CFDP1: variants seen among roughly 807,000 people sequenced by gnomAD.
The protein encoded by CFDP1 is heterochromatin-stabilizing protein CFDP1.
Under a neutral mutation model 40.1 loss-of-function variants are expected in CFDP1, and 31 were observed. The ratio of observed to expected loss-of-function variants is 0.77; its 90% confidence interval spans 0.58 to 1.04. The LOEUF is 1.04. Ranked by LOEUF, CFDP1 falls within the 50% of genes least tolerant of loss-of-function variation. The pLI is 0.00. For synonymous variants in CFDP1, 167 were observed against 120.0 expected (o/e 1.39, Z -2.56); for missense variants, 423 against 343.4 (o/e 1.23, Z -1.83).
At chr16:75,429,684 C>A (rs2079386586) in intron 1 of CFDP1, among the ~76,000 whole-genome samples, 1 of 152,066 alleles carries the variant, frequency 6.6e-6, no homozygotes, top group Non-Finnish European at 1.5e-5. Flanking sequence ...CTGGAGTACT[C>A]ATAGAAGGTA....
intron 5 of CFDP1, among the ~76,000 whole-genome samples, chr16:75,332,001 T>C (rs2078449382): frequency 6.6e-6 from 1 of 152,260 alleles, no homozygotes; most frequent in Non-Finnish European, 1.5e-5. Flanking sequence ...TCTGTTTCAT[T>C]TTAGTCTTTT....
chr16:75,380,894 C>G (rs2078846722), intron 5 of CFDP1, among the ~76,000 whole-genome samples: 1 of 152,158 alleles, frequency 6.6e-6, no homozygotes, highest in South Asian at 2.1e-4. Context: ...AAAGGAAATA[C>G]TGACAGTGAA....
At chr16:75,372,320 T>G (rs1303143731) in intron 5 of CFDP1, 1 of 152,196 alleles carries the variant, frequency 6.6e-6, no homozygotes, top group African/African-American at 2.4e-5. Flanking sequence ...TATATGGTTT[T>G]CATATCTGTT....
intron 5 of CFDP1, among the ~76,000 whole-genome samples, chr16:75,378,236 A>G (rs951185050): frequency 6.6e-6 from 1 of 151,358 alleles, no homozygotes; most frequent in Admixed American, 6.6e-5. Flanking sequence ...TAAAGGAAAT[A>G]GCAGGAATTG....
chr16:75,328,351 G>A (rs1156631939), intron 5 of CFDP1, among the ~76,000 whole-genome samples: 8 of 149,762 alleles, frequency 5.3e-5, no homozygotes, highest in Admixed American at 1.3e-4. Flanking sequence ...TTGGGAGGCC[G>A]AGGCAGGTGG....
intron 5 of CFDP1, among the ~76,000 whole-genome samples, chr16:75,364,864 C>A (rs1249157191): frequency 6.6e-6 from 1 of 152,102 alleles, no homozygotes; most frequent in Non-Finnish European, 1.5e-5. Context: ...ATAAAGAAGT[C>A]CTCAGACCAA....
intron 4 of CFDP1, among the ~76,000 whole-genome samples, chr16:75,409,078 C>G (rs1233512105): frequency 6.6e-6 from 1 of 151,798 alleles, no homozygotes; most frequent in Non-Finnish European, 1.5e-5. Context: ...AGGCTGGTCT[C>G]GAACTCCTAA....
chr16:75,321,764 T>C (rs2078365272), intron 5 of CFDP1: 1 of 152,146 alleles, frequency 6.6e-6, no homozygotes, highest in South Asian at 2.1e-4. Flanking sequence ...AAACAACACA[T>C]CTCTCAGTTG....
At chr16:75,333,370 G>A (rs922333482) in intron 5 of CFDP1, among the ~76,000 whole-genome samples, 33 of 152,074 alleles carry the variant, frequency 2.2e-4, no homozygotes, top group Non-Finnish European at 4.1e-4. Context: ...TGATCCGCCC[G>A]CCTCGGCCTC....
In CFDP1 at chr16:75,293,998, T is replaced by C. The variant is rs2078164046; in HGVS notation, c.854A>G (p.Gln285Arg). The change falls in exon 7 of 7, where the codon CAG (glutamine) becomes CGG (arginine). Residue 285 changes from glutamine (Q) to arginine (R), a missense_variant. Gln to Arg is a conservative substitution (Grantham distance 43, BLOSUM62 1). Coordinates refer to ENST00000283882, the MANE Select transcript of CFDP1 (RefSeq NM_006324.3). The stretch of plus-strand genomic sequence containing the variant: ...CCTGAGATCTCGCTCAATTTCAAAC[T>C]GCCTGTGATCCACTCGGTCAAGGAA... ...KAFLDRVDHR[Q>R]FEIERDLRLS... 1 of 1,614,168 alleles carries C rather than the reference T, an allele frequency of 6.2e-7. No individual in the cohort carries two copies. Among genetic ancestry groups the C allele is most frequent in the Non-Finnish European group, 8.5e-7 (1 of 1,180,018 alleles).
At chr16:75,329,625 T>G (rs1035778830) in intron 5 of CFDP1, among the ~76,000 whole-genome samples, 2 of 152,214 alleles carry the variant, frequency 1.3e-5, no homozygotes, top group African/African-American at 2.4e-5. Context: ...CTTTCCTAAT[T>G]TTGAACATGT....
At chr16:75,394,981 T>C (rs1431803033) in intron 5 of CFDP1, 109 bp downstream of exon 5, 5 of 1,339,834 alleles carry the variant, frequency 3.7e-6, no homozygotes, top group African/African-American at 1.5e-5. Context: ...AGCAGCATCA[T>C]AATTCTCTCT....
At chr16:75,393,519 C>T (rs1265507477) in intron 5 of CFDP1, among the ~76,000 whole-genome samples, 1 of 151,912 alleles carries the variant, frequency 6.6e-6, no homozygotes, top group African/African-American at 2.4e-5. Flanking sequence ...ATCATGAGGT[C>T]AGGAGATCGA....
At chr16:75,306,341 T>G (rs1031983053) in intron 5 of CFDP1, 1 of 152,220 alleles carries the variant, frequency 6.6e-6, no homozygotes, top group Non-Finnish European at 1.5e-5. Context: ...TAACCCATTC[T>G]GAAACCCCAC....
At chr16:75,319,404 G>A (rs983725297) in intron 5 of CFDP1, among the ~76,000 whole-genome samples, 2 of 152,148 alleles carry the variant, frequency 1.3e-5, no homozygotes, top group African/African-American at 4.8e-5. Flanking sequence ...GATAGACATT[G>A]GACACAGCTG....
chr16:75,323,112 T>C (rs2078376730), intron 5 of CFDP1, among the ~76,000 whole-genome samples: 1 of 152,152 alleles, frequency 6.6e-6, no homozygotes, highest in Admixed American at 6.5e-5. Flanking sequence ...TGACTGTTTT[T>C]TAGTAATGCT....
chr16:75,367,429 C>G (rs1004087701), intron 5 of CFDP1, among the ~76,000 whole-genome samples: 3 of 80,048 alleles, frequency 3.7e-5, no homozygotes, highest in Non-Finnish European at 8.5e-5. Context: ...TACTCCAGAA[C>G]TAAAAAAAAA....
At chr16:75,312,783 A>C (rs914490167) in intron 5 of CFDP1, among the ~76,000 whole-genome samples, 8 of 152,176 alleles carry the variant, frequency 5.3e-5, no homozygotes, top group African/African-American at 1.9e-4. Flanking sequence ...TGCTATTTAA[A>C]TGAAGAGCTC....
chr16:75,341,903 C>T (rs1368434348), intron 5 of CFDP1, among the ~76,000 whole-genome samples: 7 of 152,154 alleles, frequency 4.6e-5, no homozygotes, highest in African/African-American at 1.2e-4. Flanking sequence ...CTAGGTCTTT[C>T]GACTCTGTTC....
Sources: allele counts gnomAD v4.1 joint callset (sites outside exome capture counted in the v4.1 genomes callset), GRCh38; gene constraint gnomAD v4.1.1; transcripts MANE v1.5; gene names NCBI Gene and HGNC (gene_info 2026-07-23, HGNC 2026-07-21).